TSC1: variants seen among roughly 807,000 people sequenced by gnomAD.
The protein encoded by TSC1 is hamartin.
A neutral mutation model predicts 124.3 loss-of-function variants in TSC1; 20 were observed. The ratio of observed to expected loss-of-function variants is 0.16; its 90% confidence interval spans 0.11 to 0.23. The LOEUF (loss-of-function observed/expected upper bound fraction) is 0.23. TSC1 is among the 10% of genes least tolerant of loss of function. The probability of loss-of-function intolerance (pLI) is 1.00; values close to 1 mark genes in which losing one functional copy is unlikely to be tolerated. For synonymous variants in TSC1, 493 were observed against 539.1 expected, an observed-to-expected ratio of 0.91 and a Z score of 1.19; for missense variants, 1,124 against 1,448.5, an observed-to-expected ratio of 0.78 and a Z score of 3.64.
chr9:132,942,615 T>G (rs963626596), intron 1 of TSC1, among the ~76,000 whole-genome samples: 1 of 152,282 alleles, frequency 6.6e-6, no homozygotes, highest in East Asian at 1.9e-4. Flanking sequence ...GCACTCTAAT[T>G]TTATGGAAAC....
intron 2 of TSC1, among the ~76,000 whole-genome samples, chr9:132,934,052 G>A (rs1405023330): frequency 2.0e-5 from 3 of 152,166 alleles, no homozygotes; most frequent in Non-Finnish European, 4.4e-5. Flanking sequence ...ATGAACCAAT[G>A]TAGAGCTGTA....
chr9:132,924,547 A>G (rs115607144), intron 5 of TSC1, among the ~76,000 whole-genome samples: 1,794 of 152,304 alleles, frequency 0.012, 40 homozygotes, highest in African/African-American at 0.041. Context: ...TTTGGAAAAG[A>G]TAAGTGTTTT....
chr9:132,938,893 G>C (rs1393947589), intron 1 of TSC1, among the ~76,000 whole-genome samples: 1 of 152,194 alleles, frequency 6.6e-6, no homozygotes. Flanking sequence ...CCTCAGGACT[G>C]TATGTAACAT....
rs184321915 is a variant in TSC1, at chr9:132,895,455, C to T, written c.*780G>A. 6.0e-5 allele frequency: 14 copies of T among 233,688 alleles called. No individual in the cohort carries two copies. In the East Asian group the frequency reaches 7.8e-4, roughly 13 times the overall value. 14.5% of individuals were successfully genotyped at this position (233,688 alleles called of 1,614,324 possible). A position where few individuals can be genotyped will look rare whatever the true frequency, so the allele number is the denominator to read the frequency against. The stretch of plus-strand genomic sequence containing the variant: ...TGGAGAACAGGTTTTACCACCTACA[C>T]ACCAGCCTGTGGTCACAATAGTACC... On this transcript the variant is annotated 3_prime_UTR_variant, in exon 23 of 23. Coordinates refer to ENST00000298552, the MANE Select transcript of TSC1 (RefSeq NM_000368.5).
rs145058371 is a variant in TSC1, at chr9:132,921,184, G to C, written c.737+179C>G. Among the ~76,000 whole-genome samples, 1 of 151,972 alleles carries C rather than the reference G, an allele frequency of 6.6e-6. No individual in the cohort carries two copies. Among genetic ancestry groups the C allele is most frequent in the Non-Finnish European group, 1.5e-5 (1 of 67,996 alleles). ...CTCTGCTAAATGTTATTAGTCCTCC[G>C]CCTGTGAAGAGTATGTTTTAAACTC... On this transcript the variant is annotated intron_variant, in intron 8 of 22. Coordinates refer to ENST00000298552, the MANE Select transcript of TSC1 (RefSeq NM_000368.5). The surrounding 1 kb of genome is among the most constrained non-coding windows in gnomAD (Gnocchi z 4.3).
At position 132,906,258 on chromosome 9, in the gene TSC1, G is replaced by T; in HGVS notation, c.1439-119C>A. ...TCACTCAGAGAGAGGAGAAAAAGTG[G>T]CATCCGGCTGGACACAGTGGCTCAC... On this transcript the variant is annotated intron_variant, in intron 14 of 22. Transcript: ENST00000298552. This position sits in a 1 kb window ranked among gnomAD's most constrained non-coding sequence, Gnocchi z 4.1. The T allele has an allele frequency of 1.7e-6, 2 of 1,201,208 alleles. No homozygotes were observed. Among genetic ancestry groups the T allele is most frequent in the Non-Finnish European group, 2.4e-6 (2 of 839,170 alleles). 74.4% of individuals were successfully genotyped at this position (1,201,208 alleles called of 1,614,324 possible).
intron 8 of TSC1, among the ~76,000 whole-genome samples, chr9:132,916,021 T>C (rs1346090105): frequency 6.6e-6 from 1 of 152,146 alleles, no homozygotes; most frequent in African/African-American, 2.4e-5. Flanking sequence ...AAAATGAGAA[T>C]CATAATAAAA....
At chr9:132,937,237 A>C (rs1847500229) in intron 1 of TSC1, among the ~76,000 whole-genome samples, 1 of 152,176 alleles carries the variant, frequency 6.6e-6, no homozygotes, top group Non-Finnish European at 1.5e-5. Flanking sequence ...TGGCGTCGGG[A>C]GTTTGAGACC....
At chr9:132,910,316 A>G (rs1335556760) in intron 12 of TSC1, 9 of 637,498 alleles carry the variant, frequency 1.4e-5, no homozygotes, top group Non-Finnish European at 2.1e-5. Flanking sequence ...AAAAAAAAAA[A>G]AAAAAAATCA....
rs140666124 is a variant in TSC1 at position 132,919,180 on chromosome 9, G to A, written c.737+2183C>T. 3.4e-3 allele frequency among the ~76,000 whole-genome samples: 523 copies of A among 152,314 alleles called. 4 individuals carry two copies. The highest frequency in any genetic ancestry group is 0.012 in the African/African-American group (488 of 41,564). On this transcript the variant is annotated intron_variant, in intron 8 of 22. Transcript: ENST00000298552. ...TGTATCTAGACATATCTGAACCTAG[G>A]AAAGGTACGGTAAAGATGTGGTGGT...
intron 4 of TSC1, 159 bp downstream of exon 4, chr9:132,927,042 A>T (rs1846903802): frequency 1.4e-6 from 1 of 719,144 alleles, no homozygotes; most frequent in South Asian, 1.6e-5. Flanking sequence ...TGGGTCCTAC[A>T]AAGTAATTTT....
At chr9:132,938,889 G>C (rs1056772596) in intron 1 of TSC1, among the ~76,000 whole-genome samples, 1 of 152,102 alleles carries the variant, frequency 6.6e-6, no homozygotes, top group African/African-American at 2.4e-5. Context: ...GACTCCTCAG[G>C]ACTGTATGTA....
intron 8 of TSC1, among the ~76,000 whole-genome samples, chr9:132,914,924 C>T (rs920449533): frequency 1.6e-4 from 25 of 151,680 alleles, no homozygotes; most frequent in African/African-American, 5.8e-4. Flanking sequence ...ACCTGTAATC[C>T]CAGCACTATG....
rs2132152847 is a variant in TSC1, at chr9:132,921,866, G to A, written c.616C>T (p.His206Tyr). Residue 206 changes from histidine to tyrosine, a missense_variant, in exon 7 of 23, where the codon CAT (histidine) becomes TAT (tyrosine). By Grantham distance (83) the His-to-Tyr change is moderately conservative. Transcript: ENST00000298552. The surrounding 1 kb of genome is among the most constrained non-coding windows in gnomAD (Gnocchi z 4.3). ...TCCAGGTTTTCTTTCATACTGTAAT[G>A]AGAACGCAAAAAGGAGACGAAGTTG... ...PCNFVSFLRS[H>Y]YSMKENLETF... 6.2e-7 allele frequency: 1 copy of A among 1,614,148 alleles called. No individual in the cohort carries two copies.
chr9:132,944,773 G>T (rs1847996984), upstream of TSC1: 1 of 396,388 alleles, frequency 2.5e-6, no homozygotes, highest in Non-Finnish European at 4.4e-6. Flanking sequence ...CATAACTGAC[G>T]ATGTGGGTTG....
chr9:132,930,687 T>C (rs906524021), intron 2 of TSC1, among the ~76,000 whole-genome samples: 13 of 151,822 alleles, frequency 8.6e-5, no homozygotes, highest in Admixed American at 3.3e-4. Context: ...AGGTATTAAC[T>C]TGCTATCATC....
intron 12 of TSC1, chr9:132,910,156 C>T (rs1184823912): frequency 1.7e-5 from 5 of 292,084 alleles, no homozygotes; most frequent in Non-Finnish European, 3.2e-5. Context: ...AAAAACTTAG[C>T]CAGGCATCAT....
chr9:132,907,817 T>C (rs1417253082), intron 12 of TSC1, among the ~76,000 whole-genome samples: 1 of 151,840 alleles, frequency 6.6e-6, no homozygotes, highest in Non-Finnish European at 1.5e-5. Context: ...CTGGGCGTGG[T>C]GGCCCACGCC....
In TSC1 at chr9:132,932,520, C is replaced by G. The variant is rs538336406; in HGVS notation, c.-81+2513G>C. 2.0e-5 allele frequency among the ~76,000 whole-genome samples: 3 copies of G among 152,314 alleles called. No homozygotes were observed. In the South Asian group the frequency reaches 6.2e-4, roughly 32 times the overall value. ...ACCACAAGAGACATTGAGATATAAA[C>G]ATCAGAATCTCACTCCTCTGTTTAA... On this transcript the variant is annotated intron_variant, in intron 2 of 22. Transcript: ENST00000298552.
Sources: allele counts gnomAD v4.1 joint callset (sites outside exome capture counted in the v4.1 genomes callset), GRCh38; gene constraint gnomAD v4.1.1; non-coding constraint Gnocchi (gnomAD v3.1); transcripts MANE v1.5; gene names NCBI Gene and HGNC (gene_info 2026-07-23, HGNC 2026-07-21).